Variants in UBXN7 observed in about 807,000 individuals in gnomAD.
UBXN7 encodes the protein UBX domain protein 7.
A neutral mutation model predicts 58.0 loss-of-function variants in UBXN7; 9 were observed. The observed-to-expected ratio is 0.16, with a 90% CI of 0.09 to 0.27. UBXN7 has a LOEUF of 0.27. Among genes scored for constraint, UBXN7 ranks in the 10% least tolerant of loss-of-function variants. UBXN7 has a pLI of 1.00. For missense variants in UBXN7, 328 were observed against 599.6 expected, an observed-to-expected ratio of 0.55 and a Z score of 4.73; for synonymous variants, 208 against 205.0, an observed-to-expected ratio of 1.01 and a Z score of -0.12.
intron 10 of UBXN7, among the ~76,000 whole-genome samples, chr3:196,360,384 T>C (rs948375837): frequency 6.6e-6 from 1 of 152,192 alleles, no homozygotes; most frequent in Non-Finnish European, 1.5e-5. Flanking sequence ...TAGGGGGTAA[T>C]GCAGCTGGTG....
chr3:196,429,326 CAA>C, intron 1 of UBXN7, among the ~76,000 whole-genome samples: 1 of 98,592 alleles, frequency 1.0e-5, no homozygotes, highest in African/African-American at 3.7e-5. Flanking sequence ...GACTCCGTCT[CAA>C]AAAAAAAAAA....
intron 8 of UBXN7, among the ~76,000 whole-genome samples, chr3:196,366,462 T>G (rs2108830181): frequency 6.6e-6 from 1 of 150,428 alleles, no homozygotes; most frequent in South Asian, 2.1e-4. Flanking sequence ...GCTAGCAAGT[T>G]TTTTTTTTTT....
intron 3 of UBXN7, among the ~76,000 whole-genome samples, chr3:196,396,129 T>C (rs1220572615): frequency 1.3e-5 from 2 of 150,426 alleles, no homozygotes; most frequent in East Asian, 1.9e-4. Context: ...CCCTCCCTCC[T>C]TTCTTCATTT....
At chr3:196,422,872 C>T (rs1300245699) in intron 1 of UBXN7, among the ~76,000 whole-genome samples, 1 of 152,134 alleles carries the variant, frequency 6.6e-6, no homozygotes, top group African/African-American at 2.4e-5. Flanking sequence ...TTGATAAATG[C>T]ATAAACAAAC....
chr3:196,370,889 C>A (rs1161843018), intron 6 of UBXN7, among the ~76,000 whole-genome samples: 1 of 149,092 alleles, frequency 6.7e-6, no homozygotes, highest in East Asian at 2.0e-4. Context: ...ATTATATGGG[C>A]ATAGTGGTGC....
At chr3:196,408,875 T>C (rs1243450451) in intron 1 of UBXN7, among the ~76,000 whole-genome samples, 1 of 152,214 alleles carries the variant, frequency 6.6e-6, no homozygotes, top group Non-Finnish European at 1.5e-5. Context: ...CTCTGATTTG[T>C]CAGGGTGATT....
At chr3:196,375,790 A>AGG (rs973531791) in intron 5 of UBXN7, among the ~76,000 whole-genome samples, 3 of 152,176 alleles carry the variant, frequency 2.0e-5, no homozygotes, top group Non-Finnish European at 2.9e-5. Context: ...GCACTTTGGG[A>AGG]GGCCGATGTG....
At chr3:196,364,514 G>A (rs577353398) in intron 8 of UBXN7, among the ~76,000 whole-genome samples, 5 of 151,636 alleles carry the variant, frequency 3.3e-5, no homozygotes, top group Non-Finnish European at 7.4e-5. Flanking sequence ...GATAATTACC[G>A]AAATTAGCTA....
At chr3:196,371,340 G>C (rs758367834) in intron 6 of UBXN7, among the ~76,000 whole-genome samples, 10 of 152,086 alleles carry the variant, frequency 6.6e-5, no homozygotes, top group African/African-American at 9.7e-5. Context: ...TTTTGTATTA[G>C]TTATATAGAT....
chr3:196,356,571 T>C lies in UBXN7; in HGVS notation c.*114A>G. The C allele has an allele frequency of 2.6e-6, 3 of 1,165,068 alleles. No homozygotes were observed. Among genetic ancestry groups the C allele is most frequent in the Non-Finnish European group, 3.6e-6 (3 of 832,730 alleles). The allele number at this position is 1,165,068 out of a possible 1,614,324, so 72.2% of individuals were successfully genotyped here. On this transcript the variant is annotated 3_prime_UTR_variant, in exon 11 of 11. Coordinates refer to ENST00000296328, the MANE Select transcript of UBXN7 (RefSeq NM_015562.2). Reference sequence around the variant, plus strand: ...CAAGAAATAAGAGAAGGAAGGTGACTTGCTTGCCCAACTTTGGCTCTGTGG... The same window carrying C: ...CAAGAAATAAGAGAAGGAAGGTGACCTGCTTGCCCAACTTTGGCTCTGTGG...
At chr3:196,429,523 T>C (rs1478418432) in intron 1 of UBXN7, among the ~76,000 whole-genome samples, 1 of 152,168 alleles carries the variant, frequency 6.6e-6, no homozygotes, top group African/African-American at 2.4e-5. Context: ...AAGTAAGGAC[T>C]CACATTTTTG....
chr3:196,403,013 T>A lies in UBXN7; in HGVS notation c.228A>T (p.Glu76Asp). The A allele has an allele frequency of 6.3e-7, 1 of 1,587,946 alleles. No individual in the cohort carries two copies. The highest frequency in any genetic ancestry group is 8.5e-7 in the Non-Finnish European group (1 of 1,174,268). ...GCTTTTGAGGAATTGGGGCACGAAC[T>A]TCTTCTCTATTAAAAAAAAATGGGA... is the stretch of plus-strand genomic sequence containing the variant. ...VSTVRPHTEE[E>D]VRAPIPQKQE... The change falls in exon 3 of 11, where the codon GAA becomes GAT. Residue 76 changes from glutamate (E) to aspartate (D), a missense_variant. Coordinates refer to ENST00000296328, the MANE Select transcript of UBXN7 (RefSeq NM_015562.2).
At position 196,407,318 on chromosome 3, in the gene UBXN7, A is replaced by G; in HGVS notation, c.149T>C (p.Leu50Ser). The change falls in exon 2 of 11, where the codon TTG becomes TCG. Residue 50 changes from leucine to serine, a missense_variant. Leu to Ser is a moderately radical substitution (Grantham distance 145, BLOSUM62 -2). Transcript: ENST00000296328. ...CTCTTCAGCGATTCCTCCACCATCC[A>G]AAAACATAGTGACTGCCATTTCCAG... ...NNLEMAVTMFLDGGGIAEEPS... is the reference protein window; with the variant it reads ...NNLEMAVTMFSDGGGIAEEPS... The G allele has an allele frequency of 6.2e-7, 1 of 1,614,112 alleles. No homozygotes were observed. Among genetic ancestry groups the G allele is most frequent in the Non-Finnish European group, 8.5e-7 (1 of 1,180,024 alleles).
rs1264605551 is a variant in UBXN7, at chr3:196,353,100, A to G, written c.*3585T>C. ...CAACTTTAACCCAACTACTTCCTCT[A>G]TATTTATGGGAACAAAACTAAGTGA... On this transcript the variant is annotated 3_prime_UTR_variant, in exon 11 of 11. Coordinates refer to ENST00000296328, the MANE Select transcript of UBXN7 (RefSeq NM_015562.2). 1 of 152,160 alleles carries G rather than the reference A, an allele frequency of 6.6e-6. No homozygotes were observed. Among genetic ancestry groups the G allele is most frequent in the African/African-American group, 2.4e-5 (1 of 41,446 alleles). 9.4% of individuals were successfully genotyped at this position (152,160 alleles called of 1,614,324 possible).
At chr3:196,404,128 T>C (rs536759331) in intron 2 of UBXN7, among the ~76,000 whole-genome samples, 5 of 151,932 alleles carry the variant, frequency 3.3e-5, no homozygotes, top group East Asian at 3.9e-4. Flanking sequence ...TGTTTTACAG[T>C]TGTAACTCAA....
intron 1 of UBXN7, among the ~76,000 whole-genome samples, chr3:196,423,004 T>A (rs1730734704): frequency 6.6e-6 from 1 of 152,226 alleles, no homozygotes; most frequent in Non-Finnish European, 1.5e-5. Flanking sequence ...CTCAAAAGGT[T>A]ACATATTGTG....
chr3:196,413,670 C>T (rs937346878), intron 1 of UBXN7, among the ~76,000 whole-genome samples: 17 of 152,156 alleles, frequency 1.1e-4, no homozygotes, highest in Non-Finnish European at 2.4e-4. Flanking sequence ...CTGCTACAGT[C>T]TTAGTTCAAG....
At chr3:196,387,338 G>C (rs1440550693) in intron 5 of UBXN7, among the ~76,000 whole-genome samples, 2 of 152,150 alleles carry the variant, frequency 1.3e-5, no homozygotes, top group Non-Finnish European at 2.9e-5. Context: ...AAAAACCCTA[G>C]AAGAAAACCT....
chr3:196,374,979 G>T (rs1466404306), intron 5 of UBXN7, among the ~76,000 whole-genome samples: 3 of 40,272 alleles, frequency 7.4e-5, no homozygotes, highest in African/African-American at 3.1e-4. Flanking sequence ...AGGAGGGAAG[G>T]AAGGAAGGGA....
Sources: gnomAD v4.1 joint callset for allele counts (sites outside exome capture counted in the v4.1 genomes callset) on GRCh38, gnomAD v4.1.1 for gene constraint, MANE v1.5 for transcripts, NCBI Gene and HGNC (gene_info 2026-07-23, HGNC 2026-07-21) for gene names.